STXBP5L: variants seen among roughly 807,000 people sequenced by gnomAD.
The protein encoded by STXBP5L is syntaxin binding protein 5L, also known as syntaxin-binding protein 5-like.
A neutral mutation model predicts 144.5 loss-of-function variants in STXBP5L; 65 were observed. The ratio of observed to expected loss-of-function variants is 0.45; its 90% CI spans 0.37 to 0.55. The LOEUF (loss-of-function observed/expected upper bound fraction) is 0.55, where lower values mean the gene tolerates loss of function less well. Among genes scored for constraint, STXBP5L ranks in the 20% least tolerant of loss-of-function variants. STXBP5L has a pLI of 0.00. For synonymous variants in STXBP5L, 505 were observed against 469.6 expected (o/e 1.08, Z -0.97); for missense variants, 1,298 against 1,405.5 (o/e 0.92, Z 1.22).
At chr3:121,061,133 A>T (rs769716086) in intron 5 of STXBP5L, among the ~76,000 whole-genome samples, 5 of 152,174 alleles carry the variant, frequency 3.3e-5, no homozygotes, top group Admixed American at 2.6e-4. Context: ...CCATCTAAAC[A>T]CTGCTTTAGC....
intron 20 of STXBP5L, among the ~76,000 whole-genome samples, chr3:121,364,921 T>C (rs1008801335): frequency 3.5e-4 from 53 of 152,054 alleles, no homozygotes; most frequent in African/African-American, 1.2e-3. Context: ...GTTTTTATTA[T>C]AAAAGGGTGG....
rs149732340 is a variant in STXBP5L, at chr3:121,262,388, G to A, written c.1958+3220G>A. 1.4e-3 allele frequency among the ~76,000 whole-genome samples: 213 copies of A among 152,280 alleles called. 1 individual carries two copies. Among genetic ancestry groups the A allele is most frequent in the Non-Finnish European group, 1.9e-3 (128 of 68,034 alleles). ...CTTACGCCTGTAATCCCAGCACTTC[G>A]GGAGGCCAAGGCAGGTGGATCACCT... On this transcript the variant is annotated intron_variant, in intron 18 of 26. Coordinates refer to ENST00000471454, the MANE Select transcript of STXBP5L (RefSeq NM_001308330.2).
At chr3:120,971,770 A>G (rs1940289424) in intron 3 of STXBP5L, among the ~76,000 whole-genome samples, 1 of 129,210 alleles carries the variant, frequency 7.7e-6, no homozygotes, top group Admixed American at 8.8e-5. Context: ...ATATGTGTAT[A>G]TATGTGTATG....
chr3:121,185,828 G>C (rs968230103), intron 9 of STXBP5L, among the ~76,000 whole-genome samples: 18 of 152,094 alleles, frequency 1.2e-4, no homozygotes, highest in Non-Finnish European at 2.1e-4. Context: ...TTCCAATTCT[G>C]TGAAGAAAGT....
intron 3 of STXBP5L, among the ~76,000 whole-genome samples, chr3:120,957,658 A>G (rs1468051796): frequency 6.6e-6 from 1 of 152,088 alleles, no homozygotes; most frequent in African/African-American, 2.4e-5. Context: ...CTGAATTACT[A>G]CTGAGTACAT....
At position 121,099,548 on chromosome 3, in the gene STXBP5L, A is replaced by C. The variant is rs1412882311; in HGVS notation, c.471-15377A>C. On this transcript the variant is annotated intron_variant, in intron 5 of 26. Transcript: ENST00000471454. ...TTGAAACCCTGAACAGACCAATATC[A>C]ATCAATATGACACACATGAGAGCTC... The C allele has an allele frequency of 3.9e-5, 6 of 152,922 alleles. No individual in the cohort carries two copies. In the Admixed American group the frequency reaches 3.9e-4, roughly 10 times the overall value. 9.5% of individuals were successfully genotyped at this position (152,922 alleles called of 1,614,324 possible).
chr3:121,307,636 G>A (rs2108505191), intron 19 of STXBP5L, among the ~76,000 whole-genome samples: 1 of 152,068 alleles, frequency 6.6e-6, no homozygotes, highest in Non-Finnish European at 1.5e-5. Context: ...GAAGGACAGA[G>A]AGAAAAAAAT....
chr3:120,966,173 A>G (rs1273488248), intron 3 of STXBP5L, among the ~76,000 whole-genome samples: 2 of 152,262 alleles, frequency 1.3e-5, no homozygotes, highest in East Asian at 1.9e-4. Flanking sequence ...CTAGTTAGCC[A>G]TTCATCTTAT....
intron 20 of STXBP5L, among the ~76,000 whole-genome samples, chr3:121,331,765 A>C (rs1588538): frequency 0.79 from 119,671 of 152,110 alleles, 47,307 homozygotes; most frequent in East Asian, 0.93. Context: ...CCCCTACTGG[A>C]CTGAAGCCTG....
intron 19 of STXBP5L, among the ~76,000 whole-genome samples, chr3:121,299,792 G>A (rs568353038): frequency 2.9e-4 from 44 of 151,968 alleles, no homozygotes; most frequent in Non-Finnish European, 5.2e-4. Context: ...TTCAAGACCA[G>A]CCGGACCAAC....
chr3:121,211,861 T>G (rs545070203), intron 10 of STXBP5L, among the ~76,000 whole-genome samples: 109 of 152,044 alleles, frequency 7.2e-4, no homozygotes, highest in African/African-American at 2.5e-3. Context: ...ATTACAGGAG[T>G]GAGCCAACAT....
intron 3 of STXBP5L, among the ~76,000 whole-genome samples, chr3:120,990,939 A>T (rs1942792040): frequency 6.6e-6 from 1 of 152,258 alleles, no homozygotes; most frequent in African/African-American, 2.4e-5. Flanking sequence ...TCATGACTAA[A>T]ACACCAAAAG....
intron 3 of STXBP5L, among the ~76,000 whole-genome samples, chr3:121,039,005 A>C (rs773304659): frequency 6.6e-6 from 1 of 151,792 alleles, no homozygotes. Flanking sequence ...TATTTAAAGG[A>C]GGTTTCTGTA....
chr3:120,963,676 G>A (rs1000772348), intron 3 of STXBP5L, among the ~76,000 whole-genome samples: 1 of 152,140 alleles, frequency 6.6e-6, no homozygotes, highest in African/African-American at 2.4e-5. Flanking sequence ...TGTTTTGCCA[G>A]TATTTTATTG....
intron 3 of STXBP5L, among the ~76,000 whole-genome samples, chr3:120,969,851 G>A (rs1352434186): frequency 2.0e-5 from 3 of 151,788 alleles, no homozygotes; most frequent in East Asian, 3.9e-4. Context: ...TGGTTGTTTT[G>A]TAGATACTTT....
chr3:121,353,081 TG>T lies in STXBP5L; in HGVS notation c.2177-25634del, dbSNP rs2045361227. Among the ~76,000 whole-genome samples, 3 of 152,322 alleles carry T rather than the reference TG, an allele frequency of 2.0e-5. No homozygotes were observed. The South Asian group carries it at 6.2e-4, about 32-fold the overall frequency. On this transcript the variant is annotated intron_variant, in intron 20 of 26. Transcript: ENST00000471454. Reference sequence around the variant, plus strand: ...TTTTGATGTGGTGCTGGATTCGGTTTGCCAGTATTTTATTGAGGATTTTTGC... The same window carrying T: ...TTTTGATGTGGTGCTGGATTCGGTTTCCAGTATTTTATTGAGGATTTTTGC...
At chr3:121,088,414 A>G (rs2042604238) in intron 5 of STXBP5L, among the ~76,000 whole-genome samples, 1 of 115,598 alleles carries the variant, frequency 8.7e-6, no homozygotes, top group African/African-American at 3.4e-5. Flanking sequence ...ACCAGTTAGA[A>G]TGGCAATCAT....
In STXBP5L at chr3:121,366,377, A is replaced by G. The variant is rs147040196; in HGVS notation, c.2177-12339A>G. ...AATTGTACAACTATTATAGAACTGT[A>G]TATTTCTATTTTCTCTCATTTTTTG... On this transcript the variant is annotated intron_variant, in intron 20 of 26. Transcript: ENST00000471454. Among the ~76,000 whole-genome samples, 88 of 152,014 alleles carry G rather than the reference A, an allele frequency of 5.8e-4. 2 individuals are homozygous for G. The East Asian group carries it at 0.014, about 23-fold the overall frequency.
chr3:121,117,387 C>T (rs767307769), intron 6 of STXBP5L, among the ~76,000 whole-genome samples: 8 of 151,626 alleles, frequency 5.3e-5, no homozygotes, highest in Non-Finnish European at 8.9e-5. Context: ...TCATTTAGAC[C>T]GGATTTCCAA....
Sources: allele counts gnomAD v4.1 joint callset (sites outside exome capture counted in the v4.1 genomes callset), GRCh38; gene constraint gnomAD v4.1.1; transcripts MANE v1.5; gene names NCBI Gene and HGNC (gene_info 2026-07-23, HGNC 2026-07-21).